PCDHGA4: variants seen among roughly 807,000 people sequenced by gnomAD.
PCDHGA4 encodes the protein protocadherin gamma subfamily A, 4.
Under a neutral mutation model 54.6 loss-of-function variants are expected in PCDHGA4, and 38 were observed. The observed-to-expected ratio is 0.70, with a 90% confidence interval of 0.54 to 0.91. The LOEUF is 0.91. Among genes scored for constraint, PCDHGA4 ranks in the 40% least tolerant of loss-of-function variants. The probability of loss-of-function intolerance (pLI) is 0.00; values close to 1 mark genes in which losing one functional copy is unlikely to be tolerated. For synonymous variants in PCDHGA4, 511 were observed against 512.9 expected (o/e 1.00, Z 0.05); for missense variants, 1,298 against 1,220.9 (o/e 1.06, Z -0.94).
At chr5:141,460,341 C>T (rs557699438) in intron 1 of PCDHGA4, among the ~76,000 whole-genome samples, 39 of 152,110 alleles carry the variant, frequency 2.6e-4, no homozygotes, top group Admixed American at 2.4e-3. Flanking sequence ...ATGATTTTCT[C>T]CTATATTTTC....
At chr5:141,403,672 G>A in intron 1 of PCDHGA4, 1 of 1,613,846 alleles carries the variant, frequency 6.2e-7, no homozygotes, top group Non-Finnish European at 8.5e-7. Context: ...ATAATGCCCC[G>A]GTTTTTGCTC....
chr5:141,409,802 G>A (rs2095317294), intron 1 of PCDHGA4: 10 of 1,611,810 alleles, frequency 6.2e-6, no homozygotes, highest in Non-Finnish European at 7.6e-6. Context: ...CACGCTGCAG[G>A]CCCGCGACCA....
intron 1 of PCDHGA4, among the ~76,000 whole-genome samples, chr5:141,461,126 T>C (rs575819058): frequency 6.6e-6 from 1 of 152,260 alleles, no homozygotes; most frequent in Non-Finnish European, 1.5e-5. Flanking sequence ...TTTCATATAA[T>C]TACTTATTTT....
chr5:141,356,485 A>G lies in PCDHGA4; in HGVS notation c.1378A>G (p.Thr460Ala). 6.2e-7 allele frequency: 1 copy of G among 1,613,910 alleles called. No homozygotes were observed. Among genetic ancestry groups the G allele is most frequent in the East Asian group, 2.2e-5 (1 of 44,872 alleles). ...NITVTATDQG[T>A]PPLSTETHIS... ...CACTGTAACTGCCACTGACCAGGGAACTCCTCCACTGTCTACAGAAACTCA... is the reference window on the plus strand; with the variant it reads ...CACTGTAACTGCCACTGACCAGGGAGCTCCTCCACTGTCTACAGAAACTCA... Residue 460 changes from threonine (T) to alanine (A), a missense_variant, in exon 1 of 4, where the codon ACT becomes GCT. By Grantham distance (58) the Thr-to-Ala change is moderately conservative (BLOSUM62 0). Coordinates refer to ENST00000571252, the MANE Select transcript of PCDHGA4 (RefSeq NM_018917.4).
chr5:141,422,253 T>C (rs917280432), intron 1 of PCDHGA4: 58 of 1,566,438 alleles, frequency 3.7e-5, no homozygotes, highest in Non-Finnish European at 5.0e-5. Context: ...TGGATGTGAA[T>C]GATAACGCTC....
intron 1 of PCDHGA4, among the ~76,000 whole-genome samples, chr5:141,439,279 CT>C (rs2098102664): frequency 6.6e-6 from 1 of 151,930 alleles, no homozygotes; most frequent in African/African-American, 2.4e-5. Flanking sequence ...CATTCTGAGA[CT>C]GTGTTCCATG....
intron 1 of PCDHGA4, chr5:141,427,965 C>T: frequency 6.3e-7 from 1 of 1,590,342 alleles, no homozygotes; most frequent in Non-Finnish European, 8.6e-7. Flanking sequence ...GCCGCGGGTG[C>T]TGTACCCCGC....
intron 1 of PCDHGA4, chr5:141,376,684 T>TTTTTGTTTTTG: frequency 2.5e-6 from 2 of 809,290 alleles, no homozygotes; most frequent in African/African-American, 1.9e-5. Flanking sequence ...TCGTTTTTTT[T>TTTTTGTTTTTG]TTTTTTTTTT....
rs1212381177 is a variant in PCDHGA4 at position 141,438,571 on chromosome 5, TATACATAC to T, written c.2515-56220_2515-56213del. On this transcript the variant is annotated intron_variant, in intron 1 of 3. Coordinates refer to ENST00000571252, the MANE Select transcript of PCDHGA4 (RefSeq NM_018917.4). Reference sequence around the variant, plus strand: ...GCCCTAATAAGAGGCAGCTGTCTGATATACATACATACATACATACATATATATATATA... The same window carrying T: ...GCCCTAATAAGAGGCAGCTGTCTGATATACATACATACATATATATATATA... Among the ~76,000 whole-genome samples the T allele has an allele frequency of 2.8e-4, 26 of 94,536 alleles. 1 individual carries two copies. Among genetic ancestry groups the T allele is most frequent in the South Asian group, 1.0e-3 (3 of 2,950 alleles). 62.0% of individuals were successfully genotyped at this position (94,536 alleles called of 152,430 possible). A position where few individuals can be genotyped will look rare whatever the true frequency, so the allele number is the denominator to read the frequency against.
intron 1 of PCDHGA4, chr5:141,389,141 C>A: frequency 1.2e-6 from 2 of 1,613,998 alleles, no homozygotes; most frequent in Non-Finnish European, 8.5e-7. Flanking sequence ...ACAATATAAC[C>A]GTTACGGCAA....
chr5:141,494,749 G>C (rs573811540), intron 1 of PCDHGA4, 58 bp from the exon 2 acceptor site: 3 of 1,612,818 alleles, frequency 1.9e-6, no homozygotes, highest in South Asian at 2.2e-5. Context: ...CTAGGGGCTC[G>C]GGTGACATTC....
chr5:141,377,998 G>A (rs757547607), intron 1 of PCDHGA4: 3 of 152,116 alleles, frequency 2.0e-5, no homozygotes, highest in Non-Finnish European at 4.4e-5. Context: ...CTAAAGCTTG[G>A]CTCAAATAAG....
At chr5:141,447,957 A>T (rs1460497437) in intron 1 of PCDHGA4, among the ~76,000 whole-genome samples, 3 of 151,910 alleles carry the variant, frequency 2.0e-5, no homozygotes, top group African/African-American at 7.3e-5. Context: ...ATGGTGGCGG[A>T]CACCTATAAT....
intron 1 of PCDHGA4, chr5:141,361,341 C>G: frequency 6.2e-7 from 1 of 1,613,988 alleles, no homozygotes; most frequent in South Asian, 1.1e-5. Context: ...AGAACTATTA[C>G]AAACTAGTGA....
rs373286702 is a variant in PCDHGA4, at chr5:141,421,190, A to T, written c.2514+63569A>T. ...TACATAAGCCGATTCACAACCAACC[A>T]GCTCGAGAAACCGCGGAATATCGGC... On this transcript the variant is annotated intron_variant, in intron 1 of 3. Transcript: ENST00000571252. The T allele has an allele frequency of 4.7e-6, 7 of 1,480,168 alleles. No homozygotes were observed. The South Asian group carries it at 9.4e-5, about 20-fold the overall frequency. 91.7% of individuals were successfully genotyped at this position (1,480,168 alleles called of 1,614,324 possible).
intron 1 of PCDHGA4, chr5:141,478,165 C>A: frequency 1.2e-6 from 2 of 1,614,038 alleles, no homozygotes; most frequent in Non-Finnish European, 1.7e-6. Context: ...GCTCTGCCCC[C>A]CGGGAGCAGA....
At chr5:141,499,247 A>C (rs908111927) in intron 2 of PCDHGA4, among the ~76,000 whole-genome samples, 1 of 152,036 alleles carries the variant, frequency 6.6e-6, no homozygotes, top group Non-Finnish European at 1.5e-5. Flanking sequence ...CTCTGCACAA[A>C]GAGTCTCCAT....
chr5:141,355,356 G>C lies in PCDHGA4; in HGVS notation c.249G>C (p.Leu83=). ...TGGTGGGCAACATCGCCAAGGACCTGGGGTTGGCGCCCCGGGAGCTGGCGG... is the reference window on the plus strand; with the variant it reads ...TGGTGGGCAACATCGCCAAGGACCTCGGGTTGGCGCCCCGGGAGCTGGCGG... ...GSVVGNIAKD[L]GLAPRELAER... Residue 83 remains leucine, a synonymous_variant, in exon 1 of 4, where the codon CTG becomes CTC. Coordinates refer to ENST00000571252, the MANE Select transcript of PCDHGA4 (RefSeq NM_018917.4). The C allele has an allele frequency of 1.2e-6, 2 of 1,614,044 alleles. No homozygotes were observed. The highest frequency in any genetic ancestry group is 2.2e-5 in the South Asian group (2 of 91,088).
At chr5:141,488,691 G>A (rs1443084778) in intron 1 of PCDHGA4, among the ~76,000 whole-genome samples, 2 of 152,192 alleles carry the variant, frequency 1.3e-5, no homozygotes, top group Non-Finnish European at 2.9e-5. Flanking sequence ...CTCCCAGAAG[G>A]ACAAGATTTT....
Sources: gnomAD v4.1 joint callset for allele counts (sites outside exome capture counted in the v4.1 genomes callset) on GRCh38, gnomAD v4.1.1 for gene constraint, MANE v1.5 for transcripts, NCBI Gene and HGNC (gene_info 2026-07-23, HGNC 2026-07-21) for gene names.